MYO3B: variants seen among roughly 807,000 people sequenced by gnomAD.
MYO3B encodes myosin IIIB.
MYO3B carries 156 observed loss-of-function variants against 174.6 expected under a neutral mutation model. The observed-to-expected ratio is 0.89, with a 90% confidence interval of 0.78 to 1.02. MYO3B has a LOEUF of 1.02. MYO3B is among the 50% of genes least tolerant of loss of function. The pLI is 0.00. For missense variants in MYO3B, 1,632 were observed against 1,639.4 expected (o/e 1.00, Z 0.08); for synonymous variants, 563 against 569.1 (o/e 0.99, Z 0.15).
intron 22 of MYO3B, among the ~76,000 whole-genome samples, chr2:170,434,679 C>T (rs971450674): frequency 7.2e-5 from 11 of 152,120 alleles, no homozygotes; most frequent in East Asian, 1.9e-4. Flanking sequence ...GGTTGCTTTA[C>T]GAGGAAGTTA....
At chr2:170,251,455 T>G (rs1303183646) in intron 7 of MYO3B, among the ~76,000 whole-genome samples, 2 of 152,172 alleles carry the variant, frequency 1.3e-5, no homozygotes, top group East Asian at 3.9e-4. Context: ...TAATCCCCAG[T>G]GTCTCAGAAT....
intron 1 of MYO3B, among the ~76,000 whole-genome samples, chr2:170,182,186 G>C (rs2092408898): frequency 1.3e-5 from 2 of 151,982 alleles, no homozygotes; most frequent in Admixed American, 6.6e-5. Flanking sequence ...CTTAGGGCTT[G>C]TGAGTTTTCT....
At chr2:170,559,206 G>A (rs1454846242) in intron 32 of MYO3B, among the ~76,000 whole-genome samples, 2 of 152,204 alleles carry the variant, frequency 1.3e-5, no homozygotes, top group Admixed American at 6.5e-5. Context: ...CATAGAGTCA[G>A]TAGTACCTCT....
At chr2:170,611,106 G>A (rs1695103694) in intron 32 of MYO3B, among the ~76,000 whole-genome samples, 1 of 152,084 alleles carries the variant, frequency 6.6e-6, no homozygotes. Flanking sequence ...GAAAGGCATG[G>A]CAAATTCATC....
chr2:170,393,276 G>A (rs1023246899), intron 16 of MYO3B, among the ~76,000 whole-genome samples: 13 of 151,630 alleles, frequency 8.6e-5, no homozygotes, highest in African/African-American at 3.2e-4. Flanking sequence ...TAGAGACGGG[G>A]TTTCACCATG....
At chr2:170,506,496 C>G (rs1687630218) in intron 28 of MYO3B, among the ~76,000 whole-genome samples, 1 of 152,200 alleles carries the variant, frequency 6.6e-6, no homozygotes, top group South Asian at 2.1e-4. Flanking sequence ...ACTTACTTAA[C>G]TACTATTTGT....
intron 1 of MYO3B, among the ~76,000 whole-genome samples, chr2:170,190,895 T>C (rs2092532617): frequency 6.6e-6 from 1 of 151,190 alleles, no homozygotes; most frequent in Admixed American, 6.6e-5. Context: ...CTTTACTCTT[T>C]TCTCTCCTTT....
chr2:170,319,838 C>A (rs1318365273), intron 7 of MYO3B, among the ~76,000 whole-genome samples: 1 of 152,064 alleles, frequency 6.6e-6, no homozygotes, highest in East Asian at 1.9e-4. Context: ...AACTTTTCAT[C>A]TGAAAAGTAG....
At chr2:170,256,707 T>C (rs956315691) in intron 7 of MYO3B, among the ~76,000 whole-genome samples, 7 of 152,108 alleles carry the variant, frequency 4.6e-5, no homozygotes, top group African/African-American at 1.4e-4. Flanking sequence ...CTGGTTGTTA[T>C]TAGCAACCAG....
chr2:170,591,982 G>C (rs762478620), intron 32 of MYO3B, among the ~76,000 whole-genome samples: 1 of 152,108 alleles, frequency 6.6e-6, no homozygotes, highest in Non-Finnish European at 1.5e-5. Flanking sequence ...TCCATACCAA[G>C]CATTATCTTA....
chr2:170,228,686 G>A (rs1402277793), intron 6 of MYO3B, among the ~76,000 whole-genome samples: 4 of 152,142 alleles, frequency 2.6e-5, no homozygotes, highest in Non-Finnish European at 5.9e-5. Context: ...TGTAGTGTAA[G>A]CGTGCTTTGA....
rs566148045 is a variant in MYO3B, at chr2:170,414,153, T to A, written c.2650+6309T>A. On this transcript the variant is annotated intron_variant, in intron 22 of 34. Coordinates refer to ENST00000408978, the MANE Select transcript of MYO3B (RefSeq NM_138995.5). ...GTTCTGTTTCATTGATCAAACTATC[T>A]CCCTCTTCACCAATACCACACTATT... Among the ~76,000 whole-genome samples the A allele has an allele frequency of 1.1e-4, 17 of 152,284 alleles. No individual in the cohort carries two copies. In the South Asian group the frequency reaches 3.5e-3, roughly 32 times the overall value.
chr2:170,466,414 C>T lies in MYO3B; in HGVS notation c.2809-92C>T. 7 of 1,188,324 alleles carry T rather than the reference C, an allele frequency of 5.9e-6. No homozygotes were observed. The South Asian group carries it at 9.5e-5, about 16-fold the overall frequency. 73.6% of individuals were successfully genotyped at this position (1,188,324 alleles called of 1,614,324 possible). ...CTTCCTCAAGAAGGTCTGTGAGCCT[C>T]GAACTGCTCCAGAGGCTTCTGCGGG... On this transcript the variant is annotated intron_variant, in intron 24 of 34. Transcript: ENST00000408978.
intron 23 of MYO3B, among the ~76,000 whole-genome samples, chr2:170,458,627 A>C (rs1684049191): frequency 6.6e-6 from 1 of 152,236 alleles, no homozygotes; most frequent in Non-Finnish European, 1.5e-5. Context: ...TAGCTCAGGA[A>C]GACAAACTCT....
intron 6 of MYO3B, among the ~76,000 whole-genome samples, chr2:170,228,208 G>A (rs1303585215): frequency 1.3e-5 from 2 of 152,190 alleles, no homozygotes; most frequent in East Asian, 3.9e-4. Flanking sequence ...GGATTCCCAA[G>A]AGATGCCTCA....
chr2:170,558,319 C>A (rs897458307), intron 32 of MYO3B, among the ~76,000 whole-genome samples: 1 of 151,084 alleles, frequency 6.6e-6, no homozygotes, highest in African/African-American at 2.4e-5. Flanking sequence ...AAAAAAAATG[C>A]TTAAAACGAA....
At position 170,310,422 on chromosome 2, in the gene MYO3B, C is replaced by A. The variant is rs564069773; in HGVS notation, c.750-24963C>A. 1.6e-4 allele frequency among the ~76,000 whole-genome samples: 24 copies of A among 152,054 alleles called. No homozygotes were observed. In the South Asian group the frequency reaches 4.8e-3, roughly 30 times the overall value. Reference sequence around the variant, plus strand: ...TCATGCCTGTGATCCCAGCACTTTGCGAGACCGAGGCGGGCGGATCACCCG... The same window carrying A: ...TCATGCCTGTGATCCCAGCACTTTGAGAGACCGAGGCGGGCGGATCACCCG... On this transcript the variant is annotated intron_variant, in intron 7 of 34. Coordinates refer to ENST00000408978, the MANE Select transcript of MYO3B (RefSeq NM_138995.5).
chr2:170,240,898 A>C (rs1400833469), intron 7 of MYO3B, among the ~76,000 whole-genome samples: 1 of 152,238 alleles, frequency 6.6e-6, no homozygotes, highest in Non-Finnish European at 1.5e-5. Flanking sequence ...ACTGCTTTTT[A>C]GTTCCTAATT....
At chr2:170,502,600 TGGG>T (rs1687346919) in intron 28 of MYO3B, among the ~76,000 whole-genome samples, 1 of 151,790 alleles carries the variant, frequency 6.6e-6, no homozygotes, top group African/African-American at 2.4e-5. Flanking sequence ...GTGTCCACTG[TGGG>T]TGCGGGTGCC....
Sources: gnomAD v4.1 joint callset for allele counts (sites outside exome capture counted in the v4.1 genomes callset) on GRCh38, gnomAD v4.1.1 for gene constraint, MANE v1.5 for transcripts, NCBI Gene and HGNC (gene_info 2026-07-23, HGNC 2026-07-21) for gene names.